Variants in SAMD8 observed in about 807,000 individuals in gnomAD.
SAMD8 encodes the protein sphingomyelin synthase-related protein 1.
SAMD8 carries 20 observed loss-of-function variants against 42.0 expected under a neutral mutation model. That is an observed-to-expected ratio of 0.48 (90% CI 0.34 to 0.69). SAMD8 has a LOEUF of 0.69. Ranked by LOEUF, SAMD8 falls within the 30% of genes least tolerant of loss-of-function variation. The pLI is 0.01. For missense variants in SAMD8, 328 were observed against 511.6 expected, an observed-to-expected ratio of 0.64 and a Z score of 3.46; for synonymous variants, 162 against 173.0, an observed-to-expected ratio of 0.94 and a Z score of 0.50.
intron 1 of SAMD8, chr10:75,125,290 GTATGCCCAGGGAC>G (rs1849103769): frequency 6.6e-6 from 1 of 152,218 alleles, no homozygotes; most frequent in Non-Finnish European, 1.5e-5. Context: ...TGTGCATGAT[GTATGCCCAGGGAC>G]AAGCCTTTTA....
intron 2 of SAMD8, 27 bp from the exon 3 acceptor site, chr10:75,164,618 A>G: frequency 6.2e-7 from 1 of 1,608,090 alleles, no homozygotes; most frequent in Non-Finnish European, 8.5e-7. Context: ...TACTTCTTCA[A>G]TTCAAAATCA....
intron 1 of SAMD8, among the ~76,000 whole-genome samples, chr10:75,115,526 C>A (rs1362490769): frequency 6.6e-6 from 1 of 152,162 alleles, no homozygotes; most frequent in Non-Finnish European, 1.5e-5. Flanking sequence ...TATTCCTGAA[C>A]CCCCTCCTCC....
At chr10:75,101,776 T>G (rs1286022443) in intron 1 of SAMD8, 74 of 394,802 alleles carry the variant, frequency 1.9e-4, no homozygotes, top group Non-Finnish European at 3.5e-4. Flanking sequence ...ACCCCACCCC[T>G]CCCCACACAG....
At chr10:75,142,540 G>C (rs758518654) in intron 1 of SAMD8, among the ~76,000 whole-genome samples, 1 of 151,972 alleles carries the variant, frequency 6.6e-6, no homozygotes, top group Non-Finnish European at 1.5e-5. Flanking sequence ...AGGTTCAAGC[G>C]ATTCTTCTGC....
chr10:75,125,738 C>T (rs921164872), intron 1 of SAMD8: 13 of 152,512 alleles, frequency 8.5e-5, no homozygotes, highest in Non-Finnish European at 1.9e-4. Flanking sequence ...TGTGAAGCTA[C>T]ATAACTACAT....
intron 4 of SAMD8, among the ~76,000 whole-genome samples, chr10:75,170,804 T>A (rs1840840418): frequency 6.7e-6 from 1 of 148,992 alleles, no homozygotes; most frequent in South Asian, 2.1e-4. Flanking sequence ...GGTGGAGTCT[T>A]TCCCAGTCGC....
Position 75,177,682 on chromosome 10 carries a change from C to T in SAMD8, c.*990C>T, listed in dbSNP as rs1438716441. ...TAACTTTTTGGTTTTTGAAATTTAT[C>T]ATTCTTGGCTGTTGGAAGTAAACAG... On this transcript the variant is annotated 3_prime_UTR_variant, in exon 6 of 6. Coordinates refer to ENST00000542569, the MANE Select transcript of SAMD8 (RefSeq NM_001174156.2). 1 of 152,192 alleles carries T rather than the reference C, an allele frequency of 6.6e-6. No individual in the cohort carries two copies. Among genetic ancestry groups the T allele is most frequent in the African/African-American group, 2.4e-5 (1 of 41,460 alleles). 9.4% of individuals were successfully genotyped at this position (152,192 alleles called of 1,614,324 possible). A position where few individuals can be genotyped will look rare whatever the true frequency, so the allele number is the denominator to read the frequency against.
chr10:75,175,070 G>A (rs532656006), intron 4 of SAMD8, among the ~76,000 whole-genome samples: 119 of 152,206 alleles, frequency 7.8e-4, no homozygotes, highest in African/African-American at 2.8e-3. Context: ...GGTTGCTGGA[G>A]TTTCACCTCC....
At chr10:75,108,344 G>T (rs527346059), upstream of SAMD8, 39 of 1,431,974 alleles carry the variant, frequency 2.7e-5, no homozygotes, top group Admixed American at 3.4e-4. Context: ...GCTCCAAGTG[G>T]GGTCTGACTC....
intron 2 of SAMD8, 85 bp downstream of exon 2, chr10:75,151,191 T>G: frequency 1.4e-6 from 1 of 693,714 alleles, no homozygotes. Flanking sequence ...ATTATATTGT[T>G]TCTTATTGTG....
At chr10:75,140,643 A>G (rs1839989724) in intron 1 of SAMD8, among the ~76,000 whole-genome samples, 1 of 152,260 alleles carries the variant, frequency 6.6e-6, no homozygotes, top group Non-Finnish European at 1.5e-5. Context: ...TTTTGGGAAA[A>G]GAGGAGGCCA....
intron 3 of SAMD8, among the ~76,000 whole-genome samples, chr10:75,167,288 G>A (rs1379379913): frequency 3.9e-5 from 6 of 152,058 alleles, no homozygotes; most frequent in South Asian, 2.1e-4. Flanking sequence ...ATAGGGTCTT[G>A]CCCTGTCACC....
upstream of SAMD8, among the ~76,000 whole-genome samples, chr10:75,106,760 G>T (rs77546300): frequency 1.5e-3 from 229 of 152,356 alleles, 3 homozygotes; most frequent in East Asian, 0.035. Context: ...CTCAGTGCCA[G>T]GCACGTAGTG....
At chr10:75,162,813 T>G (rs536769543) in intron 2 of SAMD8, among the ~76,000 whole-genome samples, 2 of 152,152 alleles carry the variant, frequency 1.3e-5, no homozygotes, top group East Asian at 1.9e-4. Flanking sequence ...ATTGATAGTT[T>G]GGGGATGAGT....
chr10:75,151,328 C>T (rs1380294280), intron 2 of SAMD8, among the ~76,000 whole-genome samples: 1 of 151,936 alleles, frequency 6.6e-6, no homozygotes, highest in Non-Finnish European at 1.5e-5. Flanking sequence ...TTTAATTTTT[C>T]AATTTAATTT....
At chr10:75,159,090 A>T (rs1308270329) in intron 2 of SAMD8, among the ~76,000 whole-genome samples, 1 of 132,300 alleles carries the variant, frequency 7.6e-6, no homozygotes, top group African/African-American at 3.1e-5. Context: ...ACAGAGTCTC[A>T]CTCTGTTACC....
In SAMD8 at chr10:75,176,709, G is replaced by A. The variant is rs1469479523; in HGVS notation, c.*17G>A. ...ATTGGATGAATACTATCTTTCTAAT[G>A]AATTTGTGATTAAATATATAATAGT... On this transcript the variant is annotated 3_prime_UTR_variant, in exon 6 of 6. Transcript: ENST00000542569. This position sits in a 1 kb window ranked among gnomAD's most constrained non-coding sequence, Gnocchi z 4.3. 2 of 1,477,282 alleles carry A rather than the reference G, an allele frequency of 1.4e-6. No homozygotes were observed. The highest frequency in any genetic ancestry group is 1.8e-4 in the Middle Eastern group (1 of 5,690). The allele number at this position is 1,477,282 out of a possible 1,614,324, so 91.5% of individuals were successfully genotyped here. A position where few individuals can be genotyped will look rare whatever the true frequency, so the allele number is the denominator to read the frequency against.
chr10:75,114,192 AAT>A (rs1848827469), intron 1 of SAMD8, among the ~76,000 whole-genome samples: 4 of 152,048 alleles, frequency 2.6e-5, no homozygotes, highest in Admixed American at 2.6e-4. Flanking sequence ...AAAAAGAATT[AAT>A]CAGGTGTGGT....
intron 2 of SAMD8, among the ~76,000 whole-genome samples, chr10:75,156,085 C>A (rs962875045): frequency 1.1e-4 from 17 of 152,076 alleles, no homozygotes; most frequent in African/African-American, 3.9e-4. Flanking sequence ...TGGTGTATGC[C>A]TGCAGTCCCA....
Sources: allele counts gnomAD v4.1 joint callset (sites outside exome capture counted in the v4.1 genomes callset), GRCh38; gene constraint gnomAD v4.1.1; non-coding constraint Gnocchi (gnomAD v3.1); transcripts MANE v1.5; gene names NCBI Gene and HGNC (gene_info 2026-07-23, HGNC 2026-07-21).